RFC1: variants seen among roughly 807,000 people sequenced by gnomAD.
RFC1 encodes A1 140 kDa subunit.
In RFC1, 37 loss-of-function variants were observed where a neutral mutation model predicts 137.4. That is an observed-to-expected ratio of 0.27 (90% CI 0.21 to 0.35). The LOEUF is 0.35. RFC1 is among the 10% of genes least tolerant of loss of function. The probability of loss-of-function intolerance (pLI) is 1.00; values close to 1 mark genes in which losing one functional copy is unlikely to be tolerated. For missense variants in RFC1, 1,205 were observed against 1,358.5 expected (o/e 0.89, Z 1.78); for synonymous variants, 429 against 455.7 (o/e 0.94, Z 0.75).
At chr4:39,347,146 C>A (rs747018734) in intron 2 of RFC1, among the ~76,000 whole-genome samples, 1 of 152,246 alleles carries the variant, frequency 6.6e-6, no homozygotes, top group Non-Finnish European at 1.5e-5. Flanking sequence ...GTGAACCTGA[C>A]TGAACCACAA....
chr4:39,362,753 A>G (rs1741820784), intron 1 of RFC1, among the ~76,000 whole-genome samples: 1 of 152,252 alleles, frequency 6.6e-6, no homozygotes, highest in South Asian at 2.1e-4. Context: ...AAAGACAGAC[A>G]TGCAAGGATG....
At chr4:39,298,580 A>C (rs1738161935) in intron 21 of RFC1, among the ~76,000 whole-genome samples, 1 of 152,222 alleles carries the variant, frequency 6.6e-6, no homozygotes, top group Non-Finnish European at 1.5e-5. Flanking sequence ...CTTTTTAGCA[A>C]GGAAGAAAAT....
chr4:39,300,216 G>C, intron 20 of RFC1, 44 bp downstream of exon 20: 4 of 1,612,568 alleles, frequency 2.5e-6, no homozygotes, highest in Non-Finnish European at 3.4e-6. Flanking sequence ...AGCCTTCGCA[G>C]TGCTGGATAC....
At chr4:39,307,222 G>C (rs1036662230) in intron 13 of RFC1, among the ~76,000 whole-genome samples, 15 of 152,180 alleles carry the variant, frequency 9.9e-5, no homozygotes, top group Non-Finnish European at 2.2e-4. Flanking sequence ...ATGGTCACAA[G>C]AAGAAAAAAT....
chr4:39,307,635 G>T (rs1738745832), intron 13 of RFC1, among the ~76,000 whole-genome samples: 1 of 151,968 alleles, frequency 6.6e-6, no homozygotes, highest in African/African-American at 2.4e-5. Context: ...AGAATCACCT[G>T]AACCCAGGAA....
Position 39,342,369 on chromosome 4 carries a change from G to A in RFC1, c.307C>T (p.Pro103Ser). The change falls in exon 4 of 25, where the codon CCT (proline) becomes TCT (serine). Residue 103 changes from proline (P) to serine (S), a missense_variant. Physicochemically the swap from Pro to Ser is moderately conservative, Grantham distance 74. Coordinates refer to ENST00000349703, the MANE Select transcript of RFC1 (RefSeq NM_002913.5). ...CCTGTTTCTGAAATGTATGTAACAG[G>A]ATCCTGCCGTGAAATTTTACCAGGT... Reference protein sequence around the residue: ...SKPGKISRQDPVTYISETDEE... With the variant: ...SKPGKISRQDSVTYISETDEE... 6.2e-7 allele frequency: 1 copy of A among 1,613,182 alleles called. No homozygotes were observed. Among genetic ancestry groups the A allele is most frequent in the Non-Finnish European group, 8.5e-7 (1 of 1,179,436 alleles).
chr4:39,290,524 A>G (rs994811789), intron 23 of RFC1, among the ~76,000 whole-genome samples: 1 of 152,164 alleles, frequency 6.6e-6, no homozygotes, highest in African/African-American at 2.4e-5. Flanking sequence ...GTAAATCAAA[A>G]AGGGGCTCGG....
chr4:39,302,710 A>G, intron 17 of RFC1, 27 bp downstream of exon 17: 3 of 1,552,710 alleles, frequency 1.9e-6, no homozygotes, highest in Non-Finnish European at 1.7e-6. Context: ...GGCTAGTGTG[A>G]TGGAAAAAAA....
intron 1 of RFC1, among the ~76,000 whole-genome samples, chr4:39,357,639 C>A (rs557598237): frequency 2.7e-5 from 4 of 149,426 alleles, no homozygotes; most frequent in African/African-American, 9.9e-5. Flanking sequence ...TCCCTTGAGA[C>A]AGAGTCTTGC....
In RFC1 at chr4:39,300,327, G is replaced by A. The variant is rs1738282746; in HGVS notation, c.2623C>T (p.His875Tyr). The part of the protein sequence containing the change: ...SLVDKSDLFF[H>Y]DYSIAPLFVQ... ...AAGAGGGGTGCTATTGAATAATCATGAAAAAAGAGATCTGACTTGTCCACA... is the reference window on the plus strand; with the variant it reads ...AAGAGGGGTGCTATTGAATAATCATAAAAAAAGAGATCTGACTTGTCCACA... The change falls in exon 20 of 25, where the codon CAT (histidine) becomes TAT (tyrosine). Residue 875 changes from histidine to tyrosine, a missense_variant. Coordinates refer to ENST00000349703, the MANE Select transcript of RFC1 (RefSeq NM_002913.5). 6.2e-7 allele frequency: 1 copy of A among 1,613,878 alleles called. No homozygotes were observed. Among genetic ancestry groups the A allele is most frequent in the Non-Finnish European group, 8.5e-7 (1 of 1,179,852 alleles).
chr4:39,300,298 G>C lies in RFC1; in HGVS notation c.2652C>G (p.Val884=), dbSNP rs35494728. 1.2e-6 allele frequency: 2 copies of C among 1,614,136 alleles called. No homozygotes were observed. The highest frequency in any genetic ancestry group is 1.7e-6 in the Non-Finnish European group (2 of 1,180,008). The part of the protein sequence containing the change: ...FHDYSIAPLF[V]QENYIHVKPV... ...GCTTCACGTGTATGTAATTTTCCTG[G>C]ACGAAGAGGGGTGCTATTGAATAAT... Residue 884 remains valine (V), a synonymous_variant, in exon 20 of 25, where the codon GTC becomes GTG. Transcript: ENST00000349703.
chr4:39,304,886 G>A lies in RFC1; in HGVS notation c.2038C>T (p.Arg680Trp). ...SYVELNASDT[R>W]SKSSLKAIVA... ...ATCGCCTTCAAACTGCTCTTACTCCGGGTGTCACTTGCATTCAGTTCCACG... is the reference window on the plus strand; with the variant it reads ...ATCGCCTTCAAACTGCTCTTACTCCAGGTGTCACTTGCATTCAGTTCCACG... The change falls in exon 15 of 25, where the codon CGG becomes TGG. Residue 680 changes from arginine (R) to tryptophan (W), a missense_variant. This residue lies in a region of RFC1 where 962 missense variants were observed against 1,035.3 expected (regional missense o/e 0.93). Transcript: ENST00000349703. 1.2e-6 allele frequency: 2 copies of A among 1,613,306 alleles called. No individual in the cohort carries two copies. Among genetic ancestry groups the A allele is most frequent in the South Asian group, 1.1e-5 (1 of 91,064 alleles).
chr4:39,292,684 C>A (rs1396923053), intron 22 of RFC1, among the ~76,000 whole-genome samples: 1 of 151,626 alleles, frequency 6.6e-6, no homozygotes, highest in Non-Finnish European at 1.5e-5. Flanking sequence ...TCTTGTTGCC[C>A]AGGCTGGTGT....
intron 24 of RFC1, chr4:39,289,581 CTAGA>C (rs1256358153): frequency 1.3e-4 from 46 of 360,832 alleles, no homozygotes; most frequent in African/African-American, 7.7e-4. Flanking sequence ...ACACCAATGG[CTAGA>C]TAAATAAAAA....
intron 6 of RFC1, among the ~76,000 whole-genome samples, chr4:39,326,318 G>C (rs1340783316): frequency 2.6e-5 from 4 of 152,184 alleles, no homozygotes; most frequent in African/African-American, 9.7e-5. Flanking sequence ...TACAGGATTT[G>C]CTGCTAGCCA....
chr4:39,314,335 G>A (rs1739126278), intron 10 of RFC1, among the ~76,000 whole-genome samples: 1 of 152,100 alleles, frequency 6.6e-6, no homozygotes, highest in Non-Finnish European at 1.5e-5. Flanking sequence ...GCACATGCAA[G>A]CCCCTATATC....
chr4:39,319,870 G>C (rs1025171701), intron 9 of RFC1, among the ~76,000 whole-genome samples: 1 of 152,198 alleles, frequency 6.6e-6, no homozygotes, highest in African/African-American at 2.4e-5. Flanking sequence ...CACATCCTGG[G>C]TGAGATAAAG....
intron 1 of RFC1, among the ~76,000 whole-genome samples, chr4:39,359,332 G>A (rs1267834499): frequency 6.6e-6 from 1 of 152,168 alleles, no homozygotes; most frequent in African/African-American, 2.4e-5. Context: ...TCAACAAGTA[G>A]ATAAAGAAAC....
chr4:39,357,653 G>A (rs1741545003), intron 1 of RFC1, among the ~76,000 whole-genome samples: 1 of 148,570 alleles, frequency 6.7e-6, no homozygotes, highest in Non-Finnish European at 1.5e-5. Context: ...GTCTTGCACT[G>A]TCGCCCAGGC....
Sources: allele counts gnomAD v4.1 joint callset (sites outside exome capture counted in the v4.1 genomes callset), GRCh38; gene constraint gnomAD v4.1.1; regional missense constraint gnomAD v4.1.1; transcripts MANE v1.5; gene names NCBI Gene and HGNC (gene_info 2026-07-23, HGNC 2026-07-21).